EFCAB11: variants seen among roughly 807,000 people sequenced by gnomAD.
The protein encoded by EFCAB11 is EF-hand calcium-binding domain-containing protein 11.
EFCAB11 carries 14 observed loss-of-function variants against 23.0 expected under a neutral mutation model. The observed-to-expected ratio is 0.61, with a 90% CI of 0.40 to 0.95. The LOEUF (loss-of-function observed/expected upper bound fraction) is 0.95, where lower values mean the gene tolerates loss of function less well. EFCAB11 is among the 40% of genes least tolerant of loss of function. The pLI, the probability that EFCAB11 is intolerant of heterozygous loss-of-function variation, is 0.00. For synonymous variants in EFCAB11, 65 were observed against 66.6 expected, an observed-to-expected ratio of 0.98 and a Z score of 0.11; for missense variants, 198 against 195.8, an observed-to-expected ratio of 1.01 and a Z score of -0.07.
intron 5 of EFCAB11, chr14:89,836,570 T>C (rs1887087134): frequency 2.2e-6 from 1 of 456,546 alleles, no homozygotes; most frequent in Non-Finnish European, 4.4e-6. Flanking sequence ...ACGTCAGTAC[T>C]CCCCTGTGCC....
chr14:89,831,842 C>T (rs1450389160), intron 5 of EFCAB11, among the ~76,000 whole-genome samples: 4 of 152,164 alleles, frequency 2.6e-5, no homozygotes, highest in Non-Finnish European at 4.4e-5. Flanking sequence ...CAAATACAAG[C>T]ACATTTTGCC....
intron 5 of EFCAB11, among the ~76,000 whole-genome samples, chr14:89,920,612 G>A (rs939174305): frequency 6.6e-6 from 1 of 152,198 alleles, no homozygotes; most frequent in Non-Finnish European, 1.5e-5. Context: ...ATGTTCCTGT[G>A]AGGATCCGTT....
At chr14:89,847,124 T>C (rs2140134713) in intron 5 of EFCAB11, among the ~76,000 whole-genome samples, 1 of 152,366 alleles carries the variant, frequency 6.6e-6, no homozygotes, top group East Asian at 1.9e-4. Context: ...GCCTTCCTTA[T>C]CTTGCCCAAG....
chr14:89,802,346 C>T (rs1010241507), intron 5 of EFCAB11, among the ~76,000 whole-genome samples: 1 of 151,852 alleles, frequency 6.6e-6, no homozygotes, highest in Admixed American at 6.6e-5. Context: ...AGAATGGTAT[C>T]GCATCATCAT....
At chr14:89,797,369 C>G (rs1237402455) in intron 5 of EFCAB11, 45 bp from the exon 6 acceptor site, 1 of 1,528,650 alleles carries the variant, frequency 6.5e-7, no homozygotes, top group South Asian at 1.1e-5. Flanking sequence ...TTCTCGTTAA[C>G]ACCTATGCAC....
chr14:89,833,413 C>T (rs904175083), intron 5 of EFCAB11, among the ~76,000 whole-genome samples: 2 of 152,184 alleles, frequency 1.3e-5, no homozygotes, highest in African/African-American at 2.4e-5. Context: ...TCATATATTA[C>T]ATAATATCCA....
At chr14:89,836,427 T>C (rs923314194) in intron 5 of EFCAB11, 16 of 381,320 alleles carry the variant, frequency 4.2e-5, no homozygotes, top group African/African-American at 1.7e-4. Context: ...TTTAGTACCT[T>C]TGCAGGCCTC....
At chr14:89,827,354 T>G (rs1446782317) in intron 5 of EFCAB11, among the ~76,000 whole-genome samples, 3 of 151,574 alleles carry the variant, frequency 2.0e-5, no homozygotes, top group Non-Finnish European at 4.4e-5. Context: ...ACAACTGGAG[T>G]GAGGAACTGT....
intron 5 of EFCAB11, among the ~76,000 whole-genome samples, chr14:89,845,917 G>T (rs12896433): frequency 0.64 from 96,531 of 151,954 alleles, 33,123 homozygotes; most frequent in Non-Finnish European, 0.79. Context: ...GGCTGACTTA[G>T]GTCTCCCCAG....
At chr14:89,864,528 G>C (rs1196156152) in intron 5 of EFCAB11, among the ~76,000 whole-genome samples, 1 of 151,860 alleles carries the variant, frequency 6.6e-6, no homozygotes, top group Non-Finnish European at 1.5e-5. Flanking sequence ...GGGCTCAACT[G>C]ATCCTTCCAC....
chr14:89,826,339 A>G (rs1167649277), intron 5 of EFCAB11, among the ~76,000 whole-genome samples: 1 of 152,186 alleles, frequency 6.6e-6, no homozygotes, highest in African/African-American at 2.4e-5. Flanking sequence ...CATACATGCC[A>G]AGGGAAATGA....
chr14:89,941,470 A>G (rs1277022555), intron 3 of EFCAB11, among the ~76,000 whole-genome samples: 1 of 152,178 alleles, frequency 6.6e-6, no homozygotes, highest in Non-Finnish European at 1.5e-5. Context: ...GTGAGCTAGA[A>G]GGTCGGATCA....
intron 5 of EFCAB11, among the ~76,000 whole-genome samples, chr14:89,844,917 C>T (rs537437286): frequency 1.3e-5 from 2 of 151,910 alleles, no homozygotes; most frequent in Non-Finnish European, 2.9e-5. Flanking sequence ...GGGGCACTTC[C>T]AGCTCTGTAT....
rs143659947 is a variant in EFCAB11, at chr14:89,872,428, C to G, written c.410+59113G>C. Among the ~76,000 whole-genome samples the G allele has an allele frequency of 1.8e-4, 27 of 152,084 alleles. No homozygotes were observed. In the East Asian group the frequency reaches 5.2e-3, roughly 29 times the overall value. The stretch of plus-strand genomic sequence containing the variant: ...AGGAAAGAGTGCCTTGTGCAGGGGT[C>G]TGGGTAGATACTCCACTGACCCAAG... On this transcript the variant is annotated intron_variant, in intron 5 of 5. Coordinates refer to ENST00000316738, the MANE Select transcript of EFCAB11 (RefSeq NM_145231.4).
At chr14:89,835,216 C>G (rs942807061) in intron 5 of EFCAB11, among the ~76,000 whole-genome samples, 1 of 152,104 alleles carries the variant, frequency 6.6e-6, no homozygotes, top group Non-Finnish European at 1.5e-5. Flanking sequence ...GCAGGATGCC[C>G]GGAGGCAGAG....
chr14:89,831,357 GAGT>G (rs1886878681), intron 5 of EFCAB11: 1 of 152,192 alleles, frequency 6.6e-6, no homozygotes. Flanking sequence ...ACAGAGTTTA[GAGT>G]AGAATACTCG....
At chr14:89,837,925 A>C (rs1309484743) in intron 5 of EFCAB11, among the ~76,000 whole-genome samples, 1 of 152,154 alleles carries the variant, frequency 6.6e-6, no homozygotes, top group Non-Finnish European at 1.5e-5. Context: ...TTAGAGATGA[A>C]GATAAGACAC....
intron 5 of EFCAB11, among the ~76,000 whole-genome samples, chr14:89,881,981 A>C (rs1888615886): frequency 1.3e-5 from 2 of 152,234 alleles, no homozygotes; most frequent in South Asian, 4.1e-4. Context: ...ATCAATTAAC[A>C]GAACTTTGAC....
chr14:89,900,810 G>T (rs1028308915), intron 5 of EFCAB11, among the ~76,000 whole-genome samples: 1 of 152,182 alleles, frequency 6.6e-6, no homozygotes, highest in African/African-American at 2.4e-5. Flanking sequence ...AACATGAAAG[G>T]TAAATTATTG....
Sources: gnomAD v4.1 joint callset for allele counts (sites outside exome capture counted in the v4.1 genomes callset) on GRCh38, gnomAD v4.1.1 for gene constraint, MANE v1.5 for transcripts, NCBI Gene and HGNC (gene_info 2026-07-23, HGNC 2026-07-21) for gene names.